Variants in CRACD observed in about 807,000 individuals in gnomAD.
CRACD encodes capping protein inhibiting regulator of actin dynamics.
In CRACD, 56 loss-of-function variants were observed where a neutral mutation model predicts 106.8. The ratio of observed to expected loss-of-function variants is 0.52; its 90% CI spans 0.42 to 0.66. CRACD has a LOEUF of 0.66. CRACD is among the 30% of genes least tolerant of loss of function. The pLI is 0.00. For missense variants in CRACD, 1,730 were observed against 1,623.2 expected (o/e 1.07, Z -1.13); for synonymous variants, 754 against 670.8 (o/e 1.12, Z -1.92).
At position 56,316,326 on chromosome 4, in the gene CRACD, C is replaced by A. The variant is rs1341188073; in HGVS notation, c.2824C>A (p.Gln942Lys). 1.2e-6 allele frequency: 2 copies of A among 1,613,940 alleles called. No homozygotes were observed. Among genetic ancestry groups the A allele is most frequent in the Non-Finnish European group, 1.7e-6 (2 of 1,179,920 alleles). Residue 942 changes from glutamine (Q) to lysine (K), a missense_variant, in exon 8 of 11, where the codon CAG becomes AAG. This residue lies in a region of CRACD where 1,620 missense variants were observed against 1,481.6 expected (regional missense o/e 1.09). Transcript: ENST00000682029. ...AHPGPPPASS[Q>K]TPAPEHDKAA... ...CCCTGGGCCTCCACCGGCCAGCAGC[C>A]AGACCCCGGCTCCGGAGCACGACAA...
rs148684868 is a variant in CRACD, at chr4:56,114,168, C to A, written c.-336+64869C>A. Among the ~76,000 whole-genome samples the A allele has an allele frequency of 5.5e-3, 836 of 151,666 alleles. 6 individuals carry two copies. Among genetic ancestry groups the A allele is most frequent in the African/African-American group, 0.019 (781 of 41,398 alleles). ...ATGTTGCCATGGATTTAGGCTCTTT[C>A]TGTTCCTTCATTGCTCCTTGTAGGC... On this transcript the variant is annotated intron_variant, in intron 1 of 10. Transcript: ENST00000682029.
chr4:56,315,086 C>G lies in CRACD; in HGVS notation c.1584C>G (p.Asp528Glu), dbSNP rs919644903. 1.2e-6 allele frequency: 2 copies of G among 1,610,700 alleles called. No individual in the cohort carries two copies. The highest frequency in any genetic ancestry group is 1.7e-5 in the Admixed American group (1 of 59,580). The change falls in exon 8 of 11, where the codon GAC (aspartate) becomes GAG (glutamate). Residue 528 changes from aspartate to glutamate, a missense_variant. Around this residue, in one of 5 missense-constraint regions of CRACD, gnomAD observed 1,620 missense variants for 1,481.6 expected, o/e 1.09. Transcript: ENST00000682029. This position sits in a 1 kb window ranked among gnomAD's most constrained non-coding sequence, Gnocchi z 4.1. The stretch of plus-strand genomic sequence containing the variant: ...AGGAGCTGCGGTGGCAGGAGGTGGA[C>G]GAGAGACAGACCATGCCCCGGCCCT... ...KVEELRWQEV[D>E]ERQTMPRPYT...
At chr4:56,181,541 G>T (rs1190783764) in intron 2 of CRACD, among the ~76,000 whole-genome samples, 1 of 152,214 alleles carries the variant, frequency 6.6e-6, no homozygotes, top group East Asian at 1.9e-4. Context: ...TGCTAGGACT[G>T]CCATAAGAAA....
intron 1 of CRACD, among the ~76,000 whole-genome samples, chr4:56,080,852 T>C (rs895039119): frequency 2.0e-5 from 3 of 152,222 alleles, no homozygotes; most frequent in Non-Finnish European, 2.9e-5. Context: ...CACCAGACCG[T>C]TATTAACAAA....
intron 3 of CRACD, among the ~76,000 whole-genome samples, chr4:56,284,720 G>A (rs570060327): frequency 1.6e-4 from 21 of 132,782 alleles, no homozygotes; most frequent in Non-Finnish European, 2.6e-4. Context: ...GTGAGACTCC[G>A]TCTCGAAAAC....
At chr4:56,138,526 A>C (rs1211126007) in intron 1 of CRACD, among the ~76,000 whole-genome samples, 1 of 152,116 alleles carries the variant, frequency 6.6e-6, no homozygotes, top group African/African-American at 2.4e-5. Flanking sequence ...AAGAGACCAA[A>C]TCTTGGGAGC....
At chr4:56,326,238 T>C (rs1746437869) in intron 10 of CRACD, among the ~76,000 whole-genome samples, 1 of 149,932 alleles carries the variant, frequency 6.7e-6, no homozygotes, top group Non-Finnish European at 1.5e-5. Context: ...AAAACCACTT[T>C]AGAATGCTGT....
chr4:56,221,150 C>T (rs1237211993), intron 2 of CRACD, among the ~76,000 whole-genome samples: 1 of 152,040 alleles, frequency 6.6e-6, no homozygotes, highest in East Asian at 1.9e-4. Flanking sequence ...AAGAGGGAGA[C>T]ACTGTAAATT....
intron 1 of CRACD, among the ~76,000 whole-genome samples, chr4:56,129,049 T>G (rs1422354226): frequency 6.7e-6 from 1 of 149,582 alleles, no homozygotes; most frequent in Admixed American, 6.7e-5. Context: ...AAACCTTTTG[T>G]TTTTTAATTT....
At chr4:56,137,522 C>T (rs1220769773) in intron 1 of CRACD, among the ~76,000 whole-genome samples, 1 of 152,212 alleles carries the variant, frequency 6.6e-6, no homozygotes, top group African/African-American at 2.4e-5. Context: ...TCAGGGGTCA[C>T]TGCCCTACAC....
intron 1 of CRACD, among the ~76,000 whole-genome samples, chr4:56,123,375 T>C (rs1376963485): frequency 6.6e-6 from 1 of 152,236 alleles, no homozygotes; most frequent in Admixed American, 6.5e-5. Flanking sequence ...CTTCTTGGCT[T>C]GCAGAAGGCT....
intron 2 of CRACD, among the ~76,000 whole-genome samples, chr4:56,218,416 TCTTTCCCTCC>T (rs1374908777): frequency 6.6e-6 from 1 of 150,804 alleles, no homozygotes; most frequent in Non-Finnish European, 1.5e-5. Context: ...TGGTCTGCTT[TCTTTCCCTCC>T]CTTCCCCTCC....
intron 3 of CRACD, among the ~76,000 whole-genome samples, chr4:56,284,661 G>C (rs911573368): frequency 1.3e-5 from 2 of 152,152 alleles, no homozygotes; most frequent in East Asian, 1.9e-4. Flanking sequence ...GAAGATGGAG[G>C]TTGCAGTGAG....
At chr4:56,319,375 T>G (rs553638623) in intron 8 of CRACD, among the ~76,000 whole-genome samples, 1 of 152,186 alleles carries the variant, frequency 6.6e-6, no homozygotes, top group East Asian at 1.9e-4. Flanking sequence ...GAGGCTGAGG[T>G]GGGCAGATTG....
At chr4:56,212,141 A>T (rs775800570) in intron 2 of CRACD, among the ~76,000 whole-genome samples, 12 of 152,228 alleles carry the variant, frequency 7.9e-5, no homozygotes, top group Non-Finnish European at 1.3e-4. Flanking sequence ...GATGGCGATG[A>T]GAGTCACTTC....
In CRACD at chr4:56,314,689, C is replaced by CGGAGGAGGAGGATCTGGGGGAAGA. The variant is rs756712898; in HGVS notation, c.1199_1222dup (p.Asp400_Glu407dup). ...GAGACTGGGGAGGGCCGGCGGGGCGCGGAGGAGGAGGATCTGGGGGAAGAG... is the reference window on the plus strand; with the variant it reads ...GAGACTGGGGAGGGCCGGCGGGGCGCGGAGGAGGAGGATCTGGGGGAAGAGGAGGAGGAGGATCTGGGGGAAGAG... On this transcript the variant is annotated inframe_insertion, in exon 8 of 11. Coordinates refer to ENST00000682029, the MANE Select transcript of CRACD (RefSeq NM_001393381.1). This position sits in a 1 kb window ranked among gnomAD's most constrained non-coding sequence, Gnocchi z 4.4. 2 of 1,551,560 alleles carry CGGAGGAGGAGGATCTGGGGGAAGA rather than the reference C, an allele frequency of 1.3e-6. No homozygotes were observed. The highest frequency in any genetic ancestry group is 2.4e-5 in the South Asian group (2 of 84,168).
At position 56,323,510 on chromosome 4, in the gene CRACD, G is replaced by A; in HGVS notation, c.3321G>A (p.Arg1107=). 6.2e-7 allele frequency: 1 copy of A among 1,606,774 alleles called. No homozygotes were observed. Among genetic ancestry groups the A allele is most frequent in the Non-Finnish European group, 8.5e-7 (1 of 1,178,084 alleles). Residue 1107 remains arginine, a synonymous_variant, in exon 9 of 11, where the codon CGG becomes CGA. Coordinates refer to ENST00000682029, the MANE Select transcript of CRACD (RefSeq NM_001393381.1). ...GGTTTCGGGAGCAGCAGGCGACGCG[G>A]GAGGAGAGAAAGCAAGCCAGAGAGG... ...QKGFREQQAT[R]EERKQAREAK...
chr4:56,187,963 G>C (rs1560476884), intron 2 of CRACD, among the ~76,000 whole-genome samples: 1 of 152,146 alleles, frequency 6.6e-6, no homozygotes, highest in South Asian at 2.1e-4. Flanking sequence ...TAAGTGTTAA[G>C]CTTCTTGAAA....
chr4:56,119,819 G>C (rs940306622), intron 1 of CRACD, among the ~76,000 whole-genome samples: 1 of 152,114 alleles, frequency 6.6e-6, no homozygotes, highest in Non-Finnish European at 1.5e-5. Context: ...TACATAATAT[G>C]TCTAAGGAGA....
Sources: allele counts gnomAD v4.1 joint callset (sites outside exome capture counted in the v4.1 genomes callset), GRCh38; gene constraint gnomAD v4.1.1; regional missense constraint gnomAD v4.1.1; non-coding constraint Gnocchi (gnomAD v3.1); transcripts MANE v1.5; gene names NCBI Gene and HGNC (gene_info 2026-07-23, HGNC 2026-07-21).